HK1: variants seen among roughly 807,000 people sequenced by gnomAD.
HK1 encodes hexokinase 1, also known as hexokinase-1.
Under a neutral mutation model 91.6 loss-of-function variants are expected in HK1, and 28 were observed. That is an observed-to-expected ratio of 0.31 (90% confidence interval 0.23 to 0.42). The LOEUF is 0.42. Among genes scored for constraint, HK1 ranks in the 10% least tolerant of loss-of-function variants. The pLI is 1.00. For missense variants in HK1, 770 were observed against 1,219.8 expected, an observed-to-expected ratio of 0.63 and a Z score of 5.49; for synonymous variants, 430 against 468.1, an observed-to-expected ratio of 0.92 and a Z score of 1.05.
At chr10:69,304,666 G>C (rs974815593) in intron 5 of HK1, among the ~76,000 whole-genome samples, 17 of 152,258 alleles carry the variant, frequency 1.1e-4, no homozygotes, top group African/African-American at 3.9e-4. Flanking sequence ...GCCTATGACC[G>C]GGAATGAACA....
intron 4 of HK1, among the ~76,000 whole-genome samples, chr10:69,297,401 C>T (rs542459064): frequency 6.6e-6 from 1 of 152,208 alleles, no homozygotes; most frequent in East Asian, 1.9e-4. Flanking sequence ...CAGGTGTAAG[C>T]AAACTCCTGC....
intron 1 of HK1, among the ~76,000 whole-genome samples, chr10:69,273,081 A>G: frequency 7.2e-6 from 1 of 137,982 alleles, no homozygotes; most frequent in Non-Finnish European, 1.5e-5. Context: ...GCCAGGCTGG[A>G]GTGCAGTAGT....
chr10:69,373,183 A>G (rs1162622070), intron 7 of HK1, among the ~76,000 whole-genome samples: 2 of 152,192 alleles, frequency 1.3e-5, no homozygotes, highest in Non-Finnish European at 2.9e-5. Flanking sequence ...ACCAGGTTTT[A>G]AAATCTCAGT....
chr10:69,368,392 C>T, intron 4 of HK1, 144 bp from the exon 5 acceptor site: 1 of 712,080 alleles, frequency 1.4e-6, no homozygotes, highest in Non-Finnish European at 2.5e-6. Context: ...AGTCTGGGCC[C>T]CTCCCCAAGC....
chr10:69,365,009 T>C lies in HK1; in HGVS notation c.495+107T>C, dbSNP rs542550417. 7 of 1,254,300 alleles carry C rather than the reference T, an allele frequency of 5.6e-6. No individual in the cohort carries two copies. The Admixed American group carries it at 7.2e-5, about 13-fold the overall frequency. 77.7% of individuals were successfully genotyped at this position (1,254,300 alleles called of 1,614,324 possible). A position where few individuals can be genotyped will look rare whatever the true frequency, so the allele number is the denominator to read the frequency against. ...CCCTTTGTTGGCAGAATGGTTTGCA[T>C]GTCTGGTATTTTTAAAGAAACATTT... On this transcript the variant is annotated intron_variant, in intron 4 of 17. Coordinates refer to ENST00000359426, the MANE Select transcript of HK1 (RefSeq NM_000188.3).
At chr10:69,288,598 C>T in intron 2 of HK1, 1 of 789,278 alleles carries the variant, frequency 1.3e-6, no homozygotes, top group Admixed American at 1.7e-5. Context: ...TGTTTAGCTT[C>T]CTAATTGGTG....
intron 2 of HK1, among the ~76,000 whole-genome samples, chr10:69,359,327 T>C (rs571306337): frequency 1.9e-3 from 282 of 152,304 alleles, no homozygotes; most frequent in African/African-American, 6.2e-3. Flanking sequence ...CACAACATTG[T>C]GAATGTACTT....
intron 16 of HK1, among the ~76,000 whole-genome samples, chr10:69,396,138 G>A (rs1161495162): frequency 6.6e-6 from 1 of 151,950 alleles, no homozygotes; most frequent in Non-Finnish European, 1.5e-5. Context: ...CGGGCGTGGT[G>A]GCACATTCCT....
In HK1 at chr10:69,295,069, A is replaced by G. The variant is rs538585122; in HGVS notation, c.-114-564A>G. Among the ~76,000 whole-genome samples the G allele has an allele frequency of 5.3e-5, 8 of 151,246 alleles. No individual in the cohort carries two copies. The South Asian group carries it at 1.7e-3, about 32-fold the overall frequency. ...ACCCTGTCTCAAAAAAAAAAAAAAA[A>G]TAGCGAGGGGAGGGCAGAATGCTAA... On this transcript the variant is annotated intron_variant, in intron 3 of 21. Transcript: ENST00000360289.
In HK1 at chr10:69,389,315, C is replaced by T; in HGVS notation, c.2035+19C>T. 6.4e-7 allele frequency: 1 copy of T among 1,572,542 alleles called. No homozygotes were observed. The highest frequency in any genetic ancestry group is 8.7e-7 in the Non-Finnish European group (1 of 1,150,152). ...ATTGTTGGTGAGTGTCCTGGAAGGT[C>T]TCTTTCCCTGCAGAAGGGAAGGCTG... is the stretch of plus-strand genomic sequence containing the variant. On this transcript the variant is annotated intron_variant, in intron 14 of 17. Coordinates refer to ENST00000359426, the MANE Select transcript of HK1 (RefSeq NM_000188.3).
At chr10:69,272,598 C>T (rs1259963913) in intron 1 of HK1, among the ~76,000 whole-genome samples, 18 of 151,096 alleles carry the variant, frequency 1.2e-4, no homozygotes, top group Admixed American at 1.2e-3. Context: ...TTTCTTCTGG[C>T]TTCCATAATT....
intron 1 of HK1, among the ~76,000 whole-genome samples, chr10:69,339,227 T>C (rs1001242685): frequency 6.6e-6 from 1 of 152,258 alleles, no homozygotes; most frequent in Non-Finnish European, 1.5e-5. Flanking sequence ...TGCTGAGTCC[T>C]GCACCAGGTG....
chr10:69,292,311 G>T, intron 3 of HK1: 2 of 434,896 alleles, frequency 4.6e-6, no homozygotes, highest in Non-Finnish European at 9.2e-6. Context: ...GGCGTCAAGT[G>T]ATCCTCCTGC....
chr10:69,376,911 T>A, intron 7 of HK1, 23 bp from the exon 8 acceptor site: 3 of 1,613,982 alleles, frequency 1.9e-6, no homozygotes, highest in Non-Finnish European at 2.5e-6. Flanking sequence ...GGCTGACAAG[T>A]GCCGGTGTGC....
chr10:69,324,470 T>C (rs944730503), intron 1 of HK1, among the ~76,000 whole-genome samples: 1 of 152,084 alleles, frequency 6.6e-6, no homozygotes, highest in Non-Finnish European at 1.5e-5. Flanking sequence ...CTCATGCCTG[T>C]AGTCCCAGCT....
At chr10:69,338,364 G>C in intron 1 of HK1, 6 of 1,190,844 alleles carry the variant, frequency 5.0e-6, no homozygotes, top group Non-Finnish European at 6.4e-6. Flanking sequence ...GGGACTGGGC[G>C]CCTTCCCATT....
intron 7 of HK1, among the ~76,000 whole-genome samples, chr10:69,376,379 G>A (rs1016132937): frequency 2.2e-4 from 34 of 152,108 alleles, no homozygotes; most frequent in African/African-American, 1.4e-4. Flanking sequence ...TTAGCTGGGC[G>A]TGGTGGTCTA....
chr10:69,383,459 G>A (rs865815118), intron 10 of HK1, among the ~76,000 whole-genome samples: 8 of 152,226 alleles, frequency 5.3e-5, no homozygotes, highest in Admixed American at 6.5e-5. Flanking sequence ...TTGGAGTAAC[G>A]AATGTTTGTG....
intron 1 of HK1, among the ~76,000 whole-genome samples, chr10:69,334,673 G>A (rs989537767): frequency 2.0e-5 from 3 of 152,102 alleles, no homozygotes; most frequent in Non-Finnish European, 2.9e-5. Flanking sequence ...GAGCCACCAC[G>A]TGGTGCCTCC....
Sources: allele counts gnomAD v4.1 joint callset (sites outside exome capture counted in the v4.1 genomes callset), GRCh38; gene constraint gnomAD v4.1.1; transcripts MANE v1.5; gene names NCBI Gene and HGNC (gene_info 2026-07-23, HGNC 2026-07-21).